SNX3: variants seen among roughly 807,000 people sequenced by gnomAD.
The protein encoded by SNX3 is sorting nexin 3, also known as sorting nexin-3.
A neutral mutation model predicts 17.7 loss-of-function variants in SNX3; 5 were observed. The ratio of observed to expected loss-of-function variants is 0.28; its 90% CI spans 0.15 to 0.59. The LOEUF (loss-of-function observed/expected upper bound fraction) is 0.59, where lower values mean the gene tolerates loss of function less well. Among genes scored for constraint, SNX3 ranks in the 20% least tolerant of loss-of-function variants. SNX3 has a pLI of 0.88. For missense variants in SNX3, 132 were observed against 206.8 expected (o/e 0.64, Z 2.22); for synonymous variants, 91 against 76.5 (o/e 1.19, Z -0.99).
chr6:108,221,589 A>C lies in SNX3; in HGVS notation c.258+1361T>G, dbSNP rs552883847. Among the ~76,000 whole-genome samples, 234 of 112,566 alleles carry C rather than the reference A, an allele frequency of 2.1e-3. 2 individuals are homozygous for C. The highest frequency in any genetic ancestry group is 7.6e-3 in the African/African-American group (225 of 29,572). The allele number at this position is 112,566 out of a possible 152,430, so 73.8% of individuals were successfully genotyped here. A position where few individuals can be genotyped will look rare whatever the true frequency, so the allele number is the denominator to read the frequency against. On this transcript the variant is annotated intron_variant, in intron 2 of 3. Transcript: ENST00000230085. ...GAGACAGGGCCTGGCTCTGGTGCCCATGCTGGAGTGCAGGGGCAAGACTAC... is the reference window on the plus strand; with the variant it reads ...GAGACAGGGCCTGGCTCTGGTGCCCCTGCTGGAGTGCAGGGGCAAGACTAC...
intron 1 of SNX3, among the ~76,000 whole-genome samples, chr6:108,243,483 T>C (rs1029968644): frequency 2.6e-5 from 4 of 152,214 alleles, no homozygotes; most frequent in Admixed American, 6.5e-5. Context: ...AGCATGATGA[T>C]TGGGTTTTCA....
At chr6:108,256,057 T>C (rs2114772421) in intron 1 of SNX3, among the ~76,000 whole-genome samples, 1 of 152,170 alleles carries the variant, frequency 6.6e-6, no homozygotes, top group Admixed American at 6.5e-5. Context: ...TAGTGAGATC[T>C]CGTCTCTACA....
At chr6:108,226,594 T>C (rs1774980178) in intron 1 of SNX3, among the ~76,000 whole-genome samples, 1 of 152,218 alleles carries the variant, frequency 6.6e-6, no homozygotes, top group Non-Finnish European at 1.5e-5. Context: ...AAGTGCCACC[T>C]GAAGGAAAGA....
At chr6:108,254,808 G>A (rs1364382054) in intron 1 of SNX3, among the ~76,000 whole-genome samples, 2 of 152,166 alleles carry the variant, frequency 1.3e-5, no homozygotes, top group Admixed American at 1.3e-4. Context: ...AGTCCTGCAG[G>A]ATAAGTGATA....
intron 1 of SNX3, among the ~76,000 whole-genome samples, chr6:108,259,181 A>G (rs1449803893): frequency 6.6e-6 from 1 of 152,216 alleles, no homozygotes; most frequent in East Asian, 1.9e-4. Flanking sequence ...CCCCAGGTGT[A>G]CTGAAGTCTG....
chr6:108,227,826 TTG>T (rs1775021527), intron 1 of SNX3, among the ~76,000 whole-genome samples: 1 of 151,078 alleles, frequency 6.6e-6, no homozygotes, highest in Non-Finnish European at 1.5e-5. Context: ...TTTTTTTTTT[TTG>T]TTGTTGTTGT....
chr6:108,242,935 T>TG (rs1479721881), intron 1 of SNX3, among the ~76,000 whole-genome samples: 1 of 152,146 alleles, frequency 6.6e-6, no homozygotes, highest in Non-Finnish European at 1.5e-5. Context: ...GGGCCTCAGA[T>TG]GAAACCACAA....
chr6:108,227,087 C>T (rs1052935186), intron 1 of SNX3, among the ~76,000 whole-genome samples: 9 of 152,084 alleles, frequency 5.9e-5, no homozygotes, highest in Non-Finnish European at 1.3e-4. Context: ...AGAATAATTC[C>T]CAGAAAGAAA....
intron 1 of SNX3, among the ~76,000 whole-genome samples, chr6:108,228,824 G>C (rs1775050533): frequency 6.6e-6 from 1 of 151,950 alleles, no homozygotes; most frequent in Admixed American, 6.6e-5. Context: ...AAATATTTTA[G>C]CATTGTAATA....
At chr6:108,254,213 G>C (rs990799663) in intron 1 of SNX3, among the ~76,000 whole-genome samples, 1 of 151,834 alleles carries the variant, frequency 6.6e-6, no homozygotes, top group Non-Finnish European at 1.5e-5. Flanking sequence ...CTCCTCAGGT[G>C]ATATGAATTT....
chr6:108,258,310 T>C (rs1270720171), intron 1 of SNX3, among the ~76,000 whole-genome samples: 2 of 151,166 alleles, frequency 1.3e-5, no homozygotes, highest in African/African-American at 2.4e-5. Flanking sequence ...ATACAAAAAT[T>C]AGCCAGGCGT....
At chr6:108,258,475 A>T (rs538766397) in intron 1 of SNX3, among the ~76,000 whole-genome samples, 95 of 151,686 alleles carry the variant, frequency 6.3e-4, no homozygotes, top group South Asian at 1.3e-3. Flanking sequence ...AAAAAAAAAA[A>T]TTTTCTTTAA....
intron 2 of SNX3, among the ~76,000 whole-genome samples, chr6:108,215,369 T>C (rs552902761): frequency 6.7e-6 from 1 of 149,938 alleles, no homozygotes; most frequent in Non-Finnish European, 1.5e-5. Flanking sequence ...AAAAAAAAGA[T>C]TTCTGGTTTC....
chr6:108,215,278 A>G (rs1012769437), intron 2 of SNX3, among the ~76,000 whole-genome samples: 1 of 150,534 alleles, frequency 6.6e-6, no homozygotes, highest in Non-Finnish European at 1.5e-5. Flanking sequence ...TGAACCCGGG[A>G]GGCAGAGCTT....
intron 2 of SNX3, among the ~76,000 whole-genome samples, chr6:108,220,113 A>C (rs952996800): frequency 2.6e-5 from 4 of 152,196 alleles, no homozygotes; most frequent in African/African-American, 9.6e-5. Flanking sequence ...TTATTACAAG[A>C]GTCAAAAAGT....
At chr6:108,259,721 G>T (rs1433074128) in intron 1 of SNX3, among the ~76,000 whole-genome samples, 1 of 152,180 alleles carries the variant, frequency 6.6e-6, no homozygotes, top group African/African-American at 2.4e-5. Flanking sequence ...CTTAAAAATG[G>T]TTAGGATGGT....
intron 1 of SNX3, among the ~76,000 whole-genome samples, chr6:108,257,418 C>CG (rs1437787122): frequency 6.6e-6 from 1 of 151,954 alleles, no homozygotes; most frequent in Non-Finnish European, 1.5e-5. Context: ...GAGGCTGAGG[C>CG]GGGGGGAATA....
At chr6:108,217,635 A>G (rs1774628941) in intron 2 of SNX3, among the ~76,000 whole-genome samples, 1 of 152,002 alleles carries the variant, frequency 6.6e-6, no homozygotes, top group Admixed American at 6.6e-5. Context: ...GCATGCTTGT[A>G]ACCCCTTTAC....
chr6:108,212,074 T>C lies in SNX3; in HGVS notation c.*75A>G. 1 of 730,296 alleles carries C rather than the reference T, an allele frequency of 1.4e-6. No individual in the cohort carries two copies. The highest frequency in any genetic ancestry group is 2.3e-6 in the Non-Finnish European group (1 of 425,732). The allele number at this position is 730,296 out of a possible 1,614,324, so 45.2% of individuals were successfully genotyped here. On this transcript the variant is annotated 3_prime_UTR_variant, in exon 4 of 4. Coordinates refer to ENST00000230085, the MANE Select transcript of SNX3 (RefSeq NM_003795.6). Reference sequence around the variant, plus strand: ...ATGTTATACCAGTTTCTGTGCAGCATGCTAAAAGTTAGAACTTCTTCACTG... The same window carrying C: ...ATGTTATACCAGTTTCTGTGCAGCACGCTAAAAGTTAGAACTTCTTCACTG...
Sources: gnomAD v4.1 joint callset for allele counts (sites outside exome capture counted in the v4.1 genomes callset) on GRCh38, gnomAD v4.1.1 for gene constraint, MANE v1.5 for transcripts, NCBI Gene and HGNC (gene_info 2026-07-23, HGNC 2026-07-21) for gene names.